LLGL1: variants seen among roughly 807,000 people sequenced by gnomAD.
LLGL1 encodes the protein LLGL scribble cell polarity complex component 1, also known as lethal(2) giant larvae protein homolog 1.
LLGL1 carries 58 observed loss-of-function variants against 110.6 expected under a neutral mutation model. The observed-to-expected ratio is 0.52, with a 90% CI of 0.42 to 0.65. The LOEUF is 0.65. LLGL1 is among the 30% of genes least tolerant of loss of function. LLGL1 has a pLI of 0.00. For synonymous variants in LLGL1, 674 were observed against 607.2 expected, an observed-to-expected ratio of 1.11 and a Z score of -1.62; for missense variants, 1,229 against 1,462.1, an observed-to-expected ratio of 0.84 and a Z score of 2.60.
intron 8 of LLGL1, 50 bp downstream of exon 8, chr17:18,234,753 C>CT: frequency 6.2e-7 from 1 of 1,613,332 alleles, no homozygotes; most frequent in Non-Finnish European, 8.5e-7. Flanking sequence ...GGCTAGGGGG[C>CT]TGGAAGGGTG....
rs757876816 is a variant in LLGL1 at position 18,234,283 on chromosome 17, G to A, written c.725G>A (p.Ser242Asn). ...CCTGCCTGCCCGCAGCAGCTGGAGA[G>A]CCTATGCTGGGGGCGTGATAGCAGC... The part of the protein sequence containing the change: ...HIFLGNQQLE[S>N]LCWGRDSSTV... The change falls in exon 7 of 23, where the codon AGC (serine) becomes AAC (asparagine). Residue 242 changes from serine (S) to asparagine (N), a missense_variant. Transcript: ENST00000316843. 11 of 1,603,270 alleles carry A rather than the reference G, an allele frequency of 6.9e-6. No individual in the cohort carries two copies. The highest frequency in any genetic ancestry group is 1.3e-5 in the African/African-American group (1 of 74,720).
In LLGL1 at chr17:18,237,489, A is replaced by G. The variant is rs1335511197; in HGVS notation, c.1620A>G (p.Val540=). 1 of 1,586,272 alleles carries G rather than the reference A, an allele frequency of 6.3e-7. No individual in the cohort carries two copies. The highest frequency in any genetic ancestry group is 8.6e-7 in the Non-Finnish European group (1 of 1,162,844). ...VVAGTAGQVL[V]LELSDVPVEQ... Reference sequence around the variant, plus strand: ...CCTGGCTGTGGGCTCAGGTGCTGGTACTGGAGCTTAGTGATGTGCCGGTGG... The same window carrying G: ...CCTGGCTGTGGGCTCAGGTGCTGGTGCTGGAGCTTAGTGATGTGCCGGTGG... Residue 540 remains valine, a synonymous_variant, in exon 14 of 23, where the codon GTA becomes GTG. Transcript: ENST00000316843.
intron 20 of LLGL1, 51 bp downstream of exon 20, chr17:18,242,329 G>A: frequency 1.3e-6 from 2 of 1,568,854 alleles, no homozygotes; most frequent in Non-Finnish European, 8.8e-7. Flanking sequence ...GTGCCCTGGG[G>A]GAGGGAGTCG....
rs771443088 is a variant in LLGL1, at chr17:18,236,709, C to T, written c.1455C>T (p.His485=). The T allele has an allele frequency of 1.6e-5, 26 of 1,612,396 alleles. No individual in the cohort carries two copies. Among genetic ancestry groups the T allele is most frequent in the East Asian group, 8.9e-5 (4 of 44,884 alleles). The change falls in exon 12 of 23, where the codon CAC becomes CAT. Residue 485 remains histidine (H), a synonymous_variant. Coordinates refer to ENST00000316843, the MANE Select transcript of LLGL1 (RefSeq NM_004140.4). ...TAGLFQTDCE[H]ADSLAQAAED... ...GCCTCTTCCAGACAGACTGTGAGCA[C>T]GCTGACAGCCTGGCCCAGGCTGCCG...
rs772491096 is a variant in LLGL1 at position 18,242,212 on chromosome 17, C to G, written c.2929C>G (p.Pro977Ala). ...SPKLSQANGTPSILLAPQSLD... is the reference protein window; with the variant it reads ...SPKLSQANGTASILLAPQSLD... ...CAAGCTGAGCCAGGCTAACGGGACC[C>G]CAAGCATCCTGCTGGCCCCACAGAG... is the stretch of plus-strand genomic sequence containing the variant. Residue 977 changes from proline (P) to alanine (A), a missense_variant, in exon 20 of 23, where the codon CCA (proline) becomes GCA (alanine). By Grantham distance (27) the Pro-to-Ala change is conservative (BLOSUM62 -1). Coordinates refer to ENST00000316843, the MANE Select transcript of LLGL1 (RefSeq NM_004140.4). 1 of 1,614,122 alleles carries G rather than the reference C, an allele frequency of 6.2e-7. No individual in the cohort carries two copies. Among genetic ancestry groups the G allele is most frequent in the East Asian group, 2.2e-5 (1 of 44,866 alleles).
rs762781844 is a variant in LLGL1, at chr17:18,238,528, C to T, written c.2125C>T (p.Arg709Cys). 9.9e-6 allele frequency: 16 copies of T among 1,612,734 alleles called. No homozygotes were observed. The highest frequency in any genetic ancestry group is 1.7e-4 in the Middle Eastern group (1 of 5,972). Residue 709 changes from arginine (R) to cysteine (C), a missense_variant, in exon 16 of 23, where the codon CGC becomes TGC. Arg to Cys is a radical substitution (Grantham distance 180). Coordinates refer to ENST00000316843, the MANE Select transcript of LLGL1 (RefSeq NM_004140.4). ...HDVEMTPVQR[R>C]IEPRSADDSL... The stretch of plus-strand genomic sequence containing the variant: ...CGTGGAGATGACGCCCGTGCAGCGC[C>T]GCATTGAGCCCCGCTCTGCCGATGA...
In LLGL1 at chr17:18,241,520, C is replaced by T. The variant is rs139736306; in HGVS notation, c.2572C>T (p.Arg858Cys). 1.2e-5 allele frequency: 19 copies of T among 1,613,740 alleles called. No homozygotes were observed. The highest frequency in any genetic ancestry group is 3.3e-5 in the Admixed American group (2 of 59,994). ...KLTAHEGCRVRKVALATFASV... is the reference protein window; with the variant it reads ...KLTAHEGCRVCKVALATFASV... ...GACGGCCCATGAGGGCTGTCGTGTG[C>T]GCAAGGTGGCACTGGCCACGTTTGC... is the stretch of plus-strand genomic sequence containing the variant. Residue 858 changes from arginine (R) to cysteine (C), a missense_variant, in exon 18 of 23, where the codon CGC becomes TGC. Arg to Cys is a radical substitution (Grantham distance 180). Coordinates refer to ENST00000316843, the MANE Select transcript of LLGL1 (RefSeq NM_004140.4).
intron 13 of LLGL1, 23 bp from the exon 14 acceptor site, chr17:18,237,458 C>T: frequency 1.3e-6 from 2 of 1,550,972 alleles, no homozygotes; most frequent in Non-Finnish European, 1.7e-6. Flanking sequence ...GCTGATGCTC[C>T]CCCTGCCTGG....
In LLGL1 at chr17:18,234,264, T is replaced by C. The variant is rs1166119393; in HGVS notation, c.715-9T>C. ...GCCTGCCTGCCTGCCTGCCCCTGCC[T>C]GCCCGCAGCAGCTGGAGAGCCTATG... On this transcript the variant is annotated splice_polypyrimidine_tract_variant and intron_variant, in intron 6 of 22. Coordinates refer to ENST00000316843, the MANE Select transcript of LLGL1 (RefSeq NM_004140.4). 6.3e-7 allele frequency: 1 copy of C among 1,598,182 alleles called. No individual in the cohort carries two copies. Among genetic ancestry groups the C allele is most frequent in the Non-Finnish European group, 8.5e-7 (1 of 1,172,682 alleles).
intron 22 of LLGL1, among the ~76,000 whole-genome samples, 173 bp downstream of exon 22, chr17:18,242,995 G>T (rs1232995533): frequency 1.3e-5 from 2 of 152,246 alleles, no homozygotes; most frequent in African/African-American, 4.8e-5. Flanking sequence ...GACTTCTGGT[G>T]CTCACACAGA....
chr17:18,237,550 C>G lies in LLGL1; in HGVS notation c.1681C>G (p.Gln561Glu). ...CAGCGTGGCCATCATAGACCTCCTC[C>G]AGGACCGCGAGGGCTTCACATGGAA... ...AVSVAIIDLL[Q>E]DREGFTWKGH... Residue 561 changes from glutamine (Q) to glutamate (E), a missense_variant, in exon 14 of 23, where the codon CAG (glutamine) becomes GAG (glutamate). Physicochemically the swap from Gln to Glu is conservative, Grantham distance 29 (BLOSUM62 2). Coordinates refer to ENST00000316843, the MANE Select transcript of LLGL1 (RefSeq NM_004140.4). 1 of 1,609,122 alleles carries G rather than the reference C, an allele frequency of 6.2e-7. No individual in the cohort carries two copies. Among genetic ancestry groups the G allele is most frequent in the Non-Finnish European group, 8.5e-7 (1 of 1,178,440 alleles).
At chr17:18,241,354 T>G in intron 17 of LLGL1, 97 bp from the exon 18 acceptor site, 1 of 1,472,338 alleles carries the variant, frequency 6.8e-7, no homozygotes, top group Non-Finnish European at 9.1e-7. Context: ...CAGCTGGGCT[T>G]TGTGGTGGGG....
At chr17:18,242,659 G>A in intron 21 of LLGL1, 31 bp downstream of exon 21, 1 of 1,585,888 alleles carries the variant, frequency 6.3e-7, no homozygotes, top group Non-Finnish European at 8.6e-7. Flanking sequence ...CACAGGGGGG[G>A]CTGCCCTGTC....
chr17:18,241,679 G>A lies in LLGL1; in HGVS notation c.2731G>A (p.Gly911Ser), dbSNP rs368834647. ...CTGCATCCGGAAGGAGGACATCAGC[G>A]GCATCGCTTCGTGCGTCTTTACGCG... The part of the protein sequence containing the change: ...YSCIRKEDIS[G>S]IASCVFTRHG... Residue 911 changes from glycine (G) to serine (S), a missense_variant, in exon 18 of 23, where the codon GGC (glycine) becomes AGC (serine). Physicochemically the swap from Gly to Ser is moderately conservative, Grantham distance 56. Coordinates refer to ENST00000316843, the MANE Select transcript of LLGL1 (RefSeq NM_004140.4). 1.9e-5 allele frequency: 30 copies of A among 1,613,632 alleles called. No individual in the cohort carries two copies. The highest frequency in any genetic ancestry group is 1.3e-4 in the East Asian group (6 of 44,888).
In LLGL1 at chr17:18,235,990, T is replaced by G. The variant is rs948536674; in HGVS notation, c.1352+453T>G. The G allele has an allele frequency of 1.5e-5, 3 of 199,090 alleles. No homozygotes were observed. In the South Asian group the frequency reaches 2.7e-4, roughly 18 times the overall value. 12.3% of individuals were successfully genotyped at this position (199,090 alleles called of 1,614,324 possible). A position where few individuals can be genotyped will look rare whatever the true frequency, so the allele number is the denominator to read the frequency against. ...TCCCTGCTGAAGAGCTTGCCGTGGC[T>G]TTCAGGGCTGCTGGAATGAGTCTCA... is the stretch of plus-strand genomic sequence containing the variant. On this transcript the variant is annotated intron_variant, in intron 11 of 22. Transcript: ENST00000316843.
intron 22 of LLGL1, among the ~76,000 whole-genome samples, chr17:18,243,252 C>T (rs1374852099): frequency 1.3e-5 from 2 of 152,112 alleles, no homozygotes; most frequent in Admixed American, 6.6e-5. Flanking sequence ...GGACTACAGG[C>T]GCCCGCCACC....
chr17:18,241,753 C>A, intron 18 of LLGL1, 38 bp downstream of exon 18: 2 of 1,608,042 alleles, frequency 1.2e-6, no homozygotes, highest in South Asian at 1.1e-5. Context: ...CTTCCTCAGG[C>A]GAGCGAACTG....
intron 21 of LLGL1, 31 bp from the exon 22 acceptor site, chr17:18,242,712 C>T (rs1424582125): frequency 3.8e-6 from 6 of 1,561,456 alleles, no homozygotes; most frequent in Non-Finnish European, 5.2e-6. Flanking sequence ...CTCCCCCGCC[C>T]CCACCCCTGA....
In LLGL1 at chr17:18,240,723, G is replaced by C. The variant is rs772732923; in HGVS notation, c.2352G>C (p.Leu784=). The C allele has an allele frequency of 1.9e-6, 3 of 1,612,704 alleles. No individual in the cohort carries two copies. The South Asian group carries it at 3.3e-5, about 18-fold the overall frequency. The change falls in exon 17 of 23, where the codon CTG becomes CTC. Residue 784 remains leucine (L), a synonymous_variant. Coordinates refer to ENST00000316843, the MANE Select transcript of LLGL1 (RefSeq NM_004140.4). This position sits in a 1 kb window ranked among gnomAD's most constrained non-coding sequence, Gnocchi z 5.3. ...CCGTGCTGGGCAAGGAGGTGCAGCT[G>C]ATGCACCGGGCGCCTGTGGTGGCCA... The part of the protein sequence containing the change: ...VEAVLGKEVQ[L]MHRAPVVAIA...
Sources: allele counts gnomAD v4.1 joint callset (sites outside exome capture counted in the v4.1 genomes callset), GRCh38; gene constraint gnomAD v4.1.1; non-coding constraint Gnocchi (gnomAD v3.1); transcripts MANE v1.5; gene names NCBI Gene and HGNC (gene_info 2026-07-23, HGNC 2026-07-21).